Variants in PDZRN4 observed in about 807,000 individuals in gnomAD.
The protein encoded by PDZRN4 is PDZ domain containing ring finger 4.
Under a neutral mutation model 99.0 loss-of-function variants are expected in PDZRN4, and 70 were observed. The observed-to-expected ratio is 0.71, with a 90% CI of 0.58 to 0.86. PDZRN4 has a LOEUF of 0.86. PDZRN4 is among the 40% of genes least tolerant of loss of function. The probability of loss-of-function intolerance (pLI) is 0.00; values close to 1 mark genes in which losing one functional copy is unlikely to be tolerated. For synonymous variants in PDZRN4, 551 were observed against 501.6 expected, an observed-to-expected ratio of 1.10 and a Z score of -1.32; for missense variants, 1,474 against 1,331.2, an observed-to-expected ratio of 1.11 and a Z score of -1.67.
chr12:41,220,826 AGTACTT>A (rs1950950619), intron 3 of PDZRN4, among the ~76,000 whole-genome samples: 2 of 152,230 alleles, frequency 1.3e-5, no homozygotes, highest in Non-Finnish European at 2.9e-5. Flanking sequence ...GTTAAATCTG[AGTACTT>A]GTGGTTAGCA....
At chr12:41,553,913 A>G (rs1043966860) in intron 6 of PDZRN4, among the ~76,000 whole-genome samples, 1 of 152,018 alleles carries the variant, frequency 6.6e-6, no homozygotes, top group Non-Finnish European at 1.5e-5. Flanking sequence ...CTCAACTACA[A>G]GGTGAGTACA....
intron 3 of PDZRN4, among the ~76,000 whole-genome samples, chr12:41,296,293 T>C (rs1951493394): frequency 6.6e-6 from 1 of 152,076 alleles, no homozygotes; most frequent in Non-Finnish European, 1.5e-5. Context: ...CAAAGCACAA[T>C]CAAAGCAATG....
chr12:41,552,630 G>T, intron 5 of PDZRN4, 26 bp from the exon 6 acceptor site: 1 of 1,554,662 alleles, frequency 6.4e-7, no homozygotes, highest in African/African-American at 1.4e-5. Context: ...TGACATAAAT[G>T]TCATCTGTGT....
rs1423387449 is a variant in PDZRN4 at position 41,499,264 on chromosome 12, G to T, written c.844-7192G>T. On this transcript the variant is annotated intron_variant, in intron 3 of 9. Transcript: ENST00000402685. ...CAGGGGTGCCAAGACAGAGAGCTGG[G>T]TAAAAAGAGCAGATTGTGGATCTGA... is the stretch of plus-strand genomic sequence containing the variant. 3.3e-5 allele frequency among the ~76,000 whole-genome samples: 5 copies of T among 152,064 alleles called. No homozygotes were observed. The East Asian group carries it at 9.6e-4, about 29-fold the overall frequency.
At chr12:41,335,987 A>G (rs984811869) in intron 3 of PDZRN4, among the ~76,000 whole-genome samples, 20 of 152,152 alleles carry the variant, frequency 1.3e-4, no homozygotes, top group African/African-American at 4.8e-4. Flanking sequence ...AGGATAAGGC[A>G]TATAAAAAAG....
intron 3 of PDZRN4, among the ~76,000 whole-genome samples, chr12:41,244,221 C>G (rs1444108889): frequency 6.6e-6 from 1 of 152,144 alleles, no homozygotes; most frequent in Non-Finnish European, 1.5e-5. Context: ...CAGAGTCACC[C>G]TTGTCTCCTG....
Position 41,188,719 on chromosome 12 carries a change from C to G in PDZRN4, c.264C>G (p.Cys88Trp). Reference sequence around the variant, plus strand: ...AGTGCGACTACCGCGCCCGCGGCTGCGGCCACTCGGTCAGGCTGCACGAGC... The same window carrying G: ...AGTGCGACTACCGCGCCCGCGGCTGGGGCCACTCGGTCAGGCTGCACGAGC... ...RVQCDYRARG[C>W]GHSVRLHELE... Residue 88 changes from cysteine (C) to tryptophan (W), a missense_variant, in exon 1 of 10, where the codon TGC (cysteine) becomes TGG (tryptophan). Transcript: ENST00000402685. 1.3e-6 allele frequency: 2 copies of G among 1,556,220 alleles called. No homozygotes were observed. Among genetic ancestry groups the G allele is most frequent in the Non-Finnish European group, 1.7e-6 (2 of 1,161,928 alleles).
Position 41,247,321 on chromosome 12 carries a change from A to G in PDZRN4, c.843+53133A>G, listed in dbSNP as rs1272460680. Among the ~76,000 whole-genome samples, 3 of 151,958 alleles carry G rather than the reference A, an allele frequency of 2.0e-5. No individual in the cohort carries two copies. The East Asian group carries it at 5.8e-4, about 30-fold the overall frequency. On this transcript the variant is annotated intron_variant, in intron 3 of 9. Transcript: ENST00000402685. Reference sequence around the variant, plus strand: ...CTGGCAGAACTAGCATTACCTGAGGAGCTGCTAGATAGGCAGATTTTCAGG... The same window carrying G: ...CTGGCAGAACTAGCATTACCTGAGGGGCTGCTAGATAGGCAGATTTTCAGG...
At chr12:41,350,947 G>A (rs890185385) in intron 3 of PDZRN4, among the ~76,000 whole-genome samples, 2 of 152,064 alleles carry the variant, frequency 1.3e-5, no homozygotes, top group African/African-American at 4.8e-5. Flanking sequence ...TCATCACAGT[G>A]TAATTTGATT....
chr12:41,506,223 T>C (rs1938202784), intron 3 of PDZRN4, among the ~76,000 whole-genome samples: 1 of 152,196 alleles, frequency 6.6e-6, no homozygotes, highest in South Asian at 2.1e-4. Flanking sequence ...GCTGTTTTAC[T>C]AGTTAACCAA....
chr12:41,204,550 A>G (rs1261894984), intron 3 of PDZRN4, among the ~76,000 whole-genome samples: 1 of 152,002 alleles, frequency 6.6e-6, no homozygotes, highest in Non-Finnish European at 1.5e-5. Flanking sequence ...ACAATGACCA[A>G]AGGTAAAAGG....
At chr12:41,457,413 A>T (rs1376244355) in intron 3 of PDZRN4, among the ~76,000 whole-genome samples, 1 of 152,236 alleles carries the variant, frequency 6.6e-6, no homozygotes, top group African/African-American at 2.4e-5. Context: ...TTTTTCACAG[A>T]GGAAAAGTTG....
intron 3 of PDZRN4, among the ~76,000 whole-genome samples, chr12:41,470,141 T>C (rs746125934): frequency 4.1e-4 from 62 of 152,244 alleles, no homozygotes; most frequent in Middle Eastern, 3.4e-3. Context: ...TTTATCGAGA[T>C]GGGTTTGTCA....
intron 3 of PDZRN4, among the ~76,000 whole-genome samples, chr12:41,234,347 G>T (rs924288633): frequency 6.6e-6 from 1 of 151,982 alleles, no homozygotes; most frequent in Non-Finnish European, 1.5e-5. Context: ...CAAGACCATT[G>T]GTCAGAAAAG....
At chr12:41,474,071 A>T (rs1329656740) in intron 3 of PDZRN4, among the ~76,000 whole-genome samples, 1 of 152,238 alleles carries the variant, frequency 6.6e-6, no homozygotes, top group South Asian at 2.1e-4. Context: ...TGTGAAGAGG[A>T]TAAGAAATTG....
chr12:41,548,686 G>GGCT (rs1430364124), intron 5 of PDZRN4, among the ~76,000 whole-genome samples: 1 of 152,116 alleles, frequency 6.6e-6, no homozygotes, highest in East Asian at 1.9e-4. Flanking sequence ...AAAAGCCAAT[G>GGCT]CTTTTTAAGC....
At chr12:41,480,641 C>T (rs1008387916) in intron 3 of PDZRN4, among the ~76,000 whole-genome samples, 3 of 151,976 alleles carry the variant, frequency 2.0e-5, no homozygotes, top group African/African-American at 7.3e-5. Flanking sequence ...TAATTTTTTC[C>T]CAATATCAGG....
At chr12:41,285,228 A>C (rs1245733096) in intron 3 of PDZRN4, among the ~76,000 whole-genome samples, 25 of 152,216 alleles carry the variant, frequency 1.6e-4, no homozygotes, top group Admixed American at 1.6e-3. Context: ...AAAAGAAGAC[A>C]TTTATGTGGC....
At chr12:41,428,652 T>C (rs907818366) in intron 3 of PDZRN4, among the ~76,000 whole-genome samples, 9 of 152,292 alleles carry the variant, frequency 5.9e-5, no homozygotes, top group South Asian at 2.1e-4. Flanking sequence ...GTGTGTATGA[T>C]AGCAAGAGTG....
Sources: allele counts gnomAD v4.1 joint callset (sites outside exome capture counted in the v4.1 genomes callset), GRCh38; gene constraint gnomAD v4.1.1; transcripts MANE v1.5; gene names NCBI Gene and HGNC (gene_info 2026-07-23, HGNC 2026-07-21).